Variants in AUTS2 observed in about 807,000 individuals in gnomAD.
The protein encoded by AUTS2 is activator of transcription and developmental regulator AUTS2.
Under a neutral mutation model 112.4 loss-of-function variants are expected in AUTS2, and 17 were observed. That is an observed-to-expected ratio of 0.15 (90% CI 0.10 to 0.23). AUTS2 has a LOEUF of 0.23. AUTS2 is among the 10% of genes least tolerant of loss of function. AUTS2 has a pLI of 1.00. For synonymous variants in AUTS2, 751 were observed against 702.7 expected (o/e 1.07, Z -1.09); for missense variants, 1,510 against 1,701.6 (o/e 0.89, Z 1.98).
intron 4 of AUTS2, chr7:70,294,064 A>C (rs1788826434): frequency 1.3e-5 from 2 of 152,318 alleles, no homozygotes; most frequent in South Asian, 4.1e-4. Context: ...GGCACAATAC[A>C]GTGTTTATGT....
chr7:69,759,886 G>A (rs568239881), intron 1 of AUTS2, among the ~76,000 whole-genome samples: 257 of 147,680 alleles, frequency 1.7e-3, no homozygotes, highest in South Asian at 3.9e-3. Flanking sequence ...GTTCAGTTTT[G>A]TATGGGATCT....
At chr7:70,422,766 A>G (rs558166849) in intron 4 of AUTS2, among the ~76,000 whole-genome samples, 76 of 151,814 alleles carry the variant, frequency 5.0e-4, no homozygotes, top group Non-Finnish European at 9.7e-4. Flanking sequence ...ACAGAGTGAG[A>G]CTCTGTCTCA....
intron 5 of AUTS2, among the ~76,000 whole-genome samples, chr7:70,642,409 T>A (rs1028523113): frequency 2.7e-4 from 41 of 152,342 alleles, no homozygotes; most frequent in African/African-American, 9.6e-4. Flanking sequence ...TGCACAGATA[T>A]CATTTCACGT....
chr7:69,633,379 T>A (rs1794361028), intron 1 of AUTS2, among the ~76,000 whole-genome samples: 1 of 152,162 alleles, frequency 6.6e-6, no homozygotes, highest in Non-Finnish European at 1.5e-5. Flanking sequence ...GTTGTCTCCA[T>A]ATCTTATGAA....
rs542032016 is a variant in AUTS2, at chr7:70,020,788, A to T, written c.523-97344A>T. Among the ~76,000 whole-genome samples, 282 of 151,940 alleles carry T rather than the reference A, an allele frequency of 1.9e-3. 3 individuals carry two copies. The highest frequency in any genetic ancestry group is 6.7e-3 in the African/African-American group (276 of 41,434). On this transcript the variant is annotated intron_variant, in intron 2 of 18. Transcript: ENST00000342771. ...AGCCTTGATCTCCCAGGCTCAAGTG[A>T]TTCTCCCACCTTAGCCTCCCAAGTA...
chr7:70,128,167 G>A (rs1272103989), intron 3 of AUTS2, among the ~76,000 whole-genome samples: 1 of 152,048 alleles, frequency 6.6e-6, no homozygotes, highest in Non-Finnish European at 1.5e-5. Flanking sequence ...TTAACAGTTT[G>A]CTTATGCCTT....
intron 1 of AUTS2, among the ~76,000 whole-genome samples, chr7:69,676,655 C>G (rs1013923246): frequency 1.3e-5 from 2 of 152,044 alleles, no homozygotes; most frequent in African/African-American, 4.8e-5. Context: ...CCTCTATAGC[C>G]ATATGTCCAT....
intron 6 of AUTS2, among the ~76,000 whole-genome samples, chr7:70,711,950 C>G (rs1349426285): frequency 6.6e-6 from 1 of 152,156 alleles, no homozygotes; most frequent in East Asian, 1.9e-4. Flanking sequence ...TGAGAGAGGG[C>G]TACAGAAATA....
chr7:70,686,557 G>A (rs571945886), intron 5 of AUTS2, among the ~76,000 whole-genome samples: 1 of 152,028 alleles, frequency 6.6e-6, no homozygotes, highest in South Asian at 2.1e-4. Flanking sequence ...TGTTTTTGGA[G>A]ACAGAGTCTT....
At position 70,766,343 on chromosome 7, in the gene AUTS2, C is replaced by A; in HGVS notation, c.1689+9C>A. 6.2e-7 allele frequency: 1 copy of A among 1,613,742 alleles called. No individual in the cohort carries two copies. The highest frequency in any genetic ancestry group is 8.5e-7 in the Non-Finnish European group (1 of 1,179,886). On this transcript the variant is annotated intron_variant, in intron 9 of 18. Transcript: ENST00000342771. The surrounding 1 kb of genome is among the most constrained non-coding windows in gnomAD (Gnocchi z 4.8). ...CGCCAGCACCTCCCATGGTGCGTAC[C>A]CCAGGCAGAAATGTGAGGATAAGTA... is the stretch of plus-strand genomic sequence containing the variant.
intron 1 of AUTS2, among the ~76,000 whole-genome samples, chr7:69,893,380 A>T (rs1255522014): frequency 6.6e-6 from 1 of 152,186 alleles, no homozygotes; most frequent in Non-Finnish European, 1.5e-5. Context: ...GAGACTCATT[A>T]TTGGTAGAAT....
chr7:70,713,254 CAT>C (rs1810163812), intron 6 of AUTS2, among the ~76,000 whole-genome samples: 1 of 152,228 alleles, frequency 6.6e-6, no homozygotes, highest in Non-Finnish European at 1.5e-5. Context: ...AACACACACA[CAT>C]ACTGGGCAAA....
At chr7:69,620,472 G>C (rs1319195703) in intron 1 of AUTS2, among the ~76,000 whole-genome samples, 2 of 152,058 alleles carry the variant, frequency 1.3e-5, no homozygotes, top group African/African-American at 4.8e-5. Flanking sequence ...GAAAGTTTGA[G>C]GGAAAAAAAT....
intron 2 of AUTS2, among the ~76,000 whole-genome samples, chr7:69,956,107 G>A (rs981126287): frequency 2.0e-5 from 3 of 152,018 alleles, no homozygotes; most frequent in African/African-American, 7.2e-5. Context: ...TAGGCCTGGT[G>A]TTCTTTCCAA....
intron 5 of AUTS2, among the ~76,000 whole-genome samples, chr7:70,592,862 T>A (rs1803013728): frequency 6.6e-6 from 1 of 152,216 alleles, no homozygotes; most frequent in African/African-American, 2.4e-5. Context: ...TGTTTTTGTT[T>A]TTTATTAGAG....
intron 1 of AUTS2, among the ~76,000 whole-genome samples, chr7:69,864,274 T>G (rs1286656928): frequency 6.6e-6 from 1 of 152,178 alleles, no homozygotes; most frequent in African/African-American, 2.4e-5. Flanking sequence ...GTTCTTTTTT[T>G]CCCCCTACGG....
At chr7:69,998,110 A>G (rs1022666678) in intron 2 of AUTS2, among the ~76,000 whole-genome samples, 1 of 152,042 alleles carries the variant, frequency 6.6e-6, no homozygotes, top group Non-Finnish European at 1.5e-5. Context: ...TCTTTTTTCA[A>G]GTGACTTTGT....
In AUTS2 at chr7:70,377,431, T is replaced by C. The variant is rs1274683089; in HGVS notation, c.661-58321T>C. Among the ~76,000 whole-genome samples the C allele has an allele frequency of 2.9e-5, 4 of 140,042 alleles. No homozygotes were observed. In the East Asian group the frequency reaches 8.4e-4, roughly 29 times the overall value. 91.9% of individuals were successfully genotyped at this position (140,042 alleles called of 152,430 possible). A position where few individuals can be genotyped will look rare whatever the true frequency, so the allele number is the denominator to read the frequency against. The stretch of plus-strand genomic sequence containing the variant: ...TAAAATATTGTAATGGTTAAAATGG[T>C]AAACCATTTATATATATTTAAATAG... On this transcript the variant is annotated intron_variant, in intron 4 of 18. Transcript: ENST00000342771.
At chr7:70,384,064 T>C (rs1328319955) in intron 4 of AUTS2, among the ~76,000 whole-genome samples, 2 of 152,194 alleles carry the variant, frequency 1.3e-5, no homozygotes, top group East Asian at 3.9e-4. Flanking sequence ...ACCATGAGAT[T>C]GTTTGCTTGT....
Sources: gnomAD v4.1 joint callset for allele counts (sites outside exome capture counted in the v4.1 genomes callset) on GRCh38, gnomAD v4.1.1 for gene constraint, Gnocchi (gnomAD v3.1) non-coding constraint, MANE v1.5 for transcripts, NCBI Gene and HGNC (gene_info 2026-07-23, HGNC 2026-07-21) for gene names.